MTUS2: variants seen among roughly 807,000 people sequenced by gnomAD.
MTUS2 encodes the protein microtubule associated scaffold protein 2.
A neutral mutation model predicts 114.1 loss-of-function variants in MTUS2; 40 were observed. That is an observed-to-expected ratio of 0.35 (90% CI 0.27 to 0.46). The LOEUF (loss-of-function observed/expected upper bound fraction) is 0.46, where lower values mean the gene tolerates loss of function less well. Ranked by LOEUF, MTUS2 falls within the 20% of genes least tolerant of loss-of-function variation. MTUS2 has a pLI of 1.00. For synonymous variants in MTUS2, 688 were observed against 672.0 expected (o/e 1.02, Z -0.37); for missense variants, 1,679 against 1,705.4 (o/e 0.98, Z 0.27).
At chr13:29,109,809 T>G (rs1890811986) in intron 5 of MTUS2, among the ~76,000 whole-genome samples, 1 of 152,128 alleles carries the variant, frequency 6.6e-6, no homozygotes, top group South Asian at 2.1e-4. Flanking sequence ...CATGATGGAT[T>G]AATGTATCTG....
intron 9 of MTUS2, among the ~76,000 whole-genome samples, chr13:29,470,726 C>G (rs1566219549): frequency 6.6e-6 from 1 of 152,222 alleles, no homozygotes; most frequent in Non-Finnish European, 1.5e-5. Context: ...CATGATAAGT[C>G]CCTACCTTCC....
intron 9 of MTUS2, among the ~76,000 whole-genome samples, chr13:29,446,888 A>G (rs1878325567): frequency 6.6e-6 from 1 of 152,076 alleles, no homozygotes; most frequent in South Asian, 2.1e-4. Flanking sequence ...CGGAGCTTTT[A>G]TGGTTCAAGA....
chr13:29,389,397 A>ATGCG (rs1475090074), intron 8 of MTUS2, among the ~76,000 whole-genome samples: 7 of 22,510 alleles, frequency 3.1e-4, no homozygotes, highest in African/African-American at 1.0e-3. Flanking sequence ...ACGTGTGTGT[A>ATGCG]TATATGTATA....
chr13:29,066,500 C>T (rs1044690589), intron 4 of MTUS2, among the ~76,000 whole-genome samples: 3 of 152,118 alleles, frequency 2.0e-5, no homozygotes, highest in South Asian at 4.1e-4. Flanking sequence ...TACTCACCTC[C>T]GATGTTATAG....
chr13:28,916,691 A>G (rs1880764089), intron 2 of MTUS2, among the ~76,000 whole-genome samples: 1 of 151,682 alleles, frequency 6.6e-6, no homozygotes, highest in Non-Finnish European at 1.5e-5. Flanking sequence ...GTTTTTTTCA[A>G]ATATAAATAT....
chr13:29,280,102 T>C (rs539365346), intron 5 of MTUS2, among the ~76,000 whole-genome samples: 1 of 152,302 alleles, frequency 6.6e-6, no homozygotes, highest in Non-Finnish European at 1.5e-5. Context: ...AGTCTCTGAG[T>C]TCTAGCACTG....
chr13:29,115,513 C>A lies in MTUS2; in HGVS notation c.2644+14543C>A, dbSNP rs1468222790. On this transcript the variant is annotated intron_variant, in intron 5 of 15. Transcript: ENST00000612955. ...ATAACCAGACTCACTAAAGACTAGGCATTGTTGTTTCTTATTTTCATTTAG... is the reference window on the plus strand; with the variant it reads ...ATAACCAGACTCACTAAAGACTAGGAATTGTTGTTTCTTATTTTCATTTAG... Among the ~76,000 whole-genome samples the A allele has an allele frequency of 2.0e-5, 3 of 152,150 alleles. No homozygotes were observed. In the East Asian group the frequency reaches 5.8e-4, roughly 29 times the overall value.
At chr13:29,389,089 G>C (rs911196040) in intron 8 of MTUS2, among the ~76,000 whole-genome samples, 2 of 151,732 alleles carry the variant, frequency 1.3e-5, no homozygotes, top group Admixed American at 1.3e-4. Context: ...CATACTTGAT[G>C]CCTTTATTCT....
At position 28,878,801 on chromosome 13, in the gene MTUS2, C is replaced by T. The variant is rs150639550; in HGVS notation, c.-243+38951C>T. On this transcript the variant is annotated intron_variant, in intron 2 of 15. Transcript: ENST00000612955. ...ATGCTGCAGAAAACATACATGTGCA[C>T]GTATCTTTATAGTAGAATGATTGCT... Among the ~76,000 whole-genome samples the T allele has an allele frequency of 9.2e-4, 140 of 152,154 alleles. 1 individual carries two copies. The highest frequency in any genetic ancestry group is 3.1e-3 in the African/African-American group (130 of 41,510).
intron 5 of MTUS2, among the ~76,000 whole-genome samples, chr13:29,103,683 G>A (rs1033301383): frequency 3.9e-5 from 6 of 152,152 alleles, no homozygotes; most frequent in Admixed American, 6.5e-5. Context: ...GTTGTGCTAT[G>A]ACATTACGGT....
At chr13:29,250,858 A>G (rs760864244) in intron 5 of MTUS2, among the ~76,000 whole-genome samples, 2 of 152,172 alleles carry the variant, frequency 1.3e-5, no homozygotes, top group Non-Finnish European at 2.9e-5. Context: ...CCCGCAAAAA[A>G]CAATAATCTT....
intron 2 of MTUS2, among the ~76,000 whole-genome samples, chr13:28,891,245 A>G (rs1004344677): frequency 1.3e-5 from 2 of 152,216 alleles, no homozygotes; most frequent in Non-Finnish European, 2.9e-5. Flanking sequence ...TGCAGGTGGA[A>G]CCAGTGGATC....
intron 2 of MTUS2, among the ~76,000 whole-genome samples, chr13:29,006,176 T>C (rs895172196): frequency 6.6e-6 from 1 of 152,052 alleles, no homozygotes; most frequent in African/African-American, 2.4e-5. Flanking sequence ...AGTGGGTAGA[T>C]GAAGGGTGAG....
intron 5 of MTUS2, among the ~76,000 whole-genome samples, chr13:29,160,634 G>A (rs1893054546): frequency 6.6e-6 from 1 of 152,166 alleles, no homozygotes; most frequent in African/African-American, 2.4e-5. Flanking sequence ...GCTGGGCATG[G>A]TGGTGGATGC....
chr13:29,477,452 A>G (rs867598033), intron 9 of MTUS2, among the ~76,000 whole-genome samples: 5 of 152,084 alleles, frequency 3.3e-5, no homozygotes, highest in Admixed American at 1.3e-4. Flanking sequence ...GGGGTCACAG[A>G]ACTCCTGGGA....
intron 2 of MTUS2, among the ~76,000 whole-genome samples, chr13:28,898,888 G>A (rs750842056): frequency 6.6e-6 from 1 of 152,194 alleles, no homozygotes; most frequent in East Asian, 1.9e-4. Flanking sequence ...ACTGTGCATA[G>A]TGTTTGCCTG....
chr13:29,081,976 C>CAAA (rs1889464242), intron 4 of MTUS2, among the ~76,000 whole-genome samples: 3 of 152,014 alleles, frequency 2.0e-5, no homozygotes, highest in Admixed American at 2.0e-4. Context: ...TTGTGGTGAC[C>CAAA]CTTGGTTTCA....
At chr13:29,263,016 C>A (rs907204422) in intron 5 of MTUS2, among the ~76,000 whole-genome samples, 2 of 152,094 alleles carry the variant, frequency 1.3e-5, no homozygotes. Flanking sequence ...AGTCTAATGA[C>A]GGAAGGTAAA....
In MTUS2 at chr13:29,222,065, A is replaced by T. The variant is rs1895929729; in HGVS notation, c.2645-59639A>T. On this transcript the variant is annotated intron_variant, in intron 5 of 15. Coordinates refer to ENST00000612955, the MANE Select transcript of MTUS2 (RefSeq NM_001033602.4). The stretch of plus-strand genomic sequence containing the variant: ...CTAGCTCAAACAATCCTCCTGCCTC[A>T]GCCTTCCGAGTAGTGGGACTACTGG... 2.0e-5 allele frequency among the ~76,000 whole-genome samples: 3 copies of T among 152,314 alleles called. No homozygotes were observed. In the South Asian group the frequency reaches 6.2e-4, roughly 32 times the overall value.
Sources: gnomAD v4.1 joint callset for allele counts (sites outside exome capture counted in the v4.1 genomes callset) on GRCh38, gnomAD v4.1.1 for gene constraint, MANE v1.5 for transcripts, NCBI Gene and HGNC (gene_info 2026-07-23, HGNC 2026-07-21) for gene names.